The following PLD1 variants were observed in gnomAD, a reference collection of about 807,000 sequenced individuals.
The protein encoded by PLD1 is choline phosphatase 1.
PLD1 carries 112 observed loss-of-function variants against 137.1 expected under a neutral mutation model. The ratio of observed to expected loss-of-function variants is 0.82; its 90% CI spans 0.70 to 0.96. The LOEUF (loss-of-function observed/expected upper bound fraction) is 0.96, where lower values mean the gene tolerates loss of function less well. Ranked by LOEUF, PLD1 falls within the 40% of genes least tolerant of loss-of-function variation. The pLI is 0.00. For missense variants in PLD1, 1,321 were observed against 1,342.0 expected (o/e 0.98, Z 0.24); for synonymous variants, 431 against 454.7 (o/e 0.95, Z 0.66).
At chr3:171,637,581 G>C (rs1735240806) in intron 23 of PLD1, among the ~76,000 whole-genome samples, 3 of 152,086 alleles carry the variant, frequency 2.0e-5, no homozygotes, top group Admixed American at 1.3e-4. Flanking sequence ...GATAATACTG[G>C]ACTCTTAGAA....
rs13318483 is a variant in PLD1, at chr3:171,664,722, G to A, written c.2230-2552C>T. 8.3e-3 allele frequency among the ~76,000 whole-genome samples: 1,256 copies of A among 152,214 alleles called. 16 individuals carry two copies. Among genetic ancestry groups the A allele is most frequent in the African/African-American group, 0.025 (1,030 of 41,532 alleles). ...GATCCACCTGTCTCAGCCTCCCAAA[G>A]TGCTGGGATTACAGGCGTGAGCCAC... On this transcript the variant is annotated intron_variant, in intron 19 of 26. Transcript: ENST00000351298.
chr3:171,700,750 G>A (rs896753323), intron 11 of PLD1, among the ~76,000 whole-genome samples: 3 of 152,162 alleles, frequency 2.0e-5, no homozygotes, highest in African/African-American at 7.2e-5. Flanking sequence ...GCTGATATAT[G>A]AAATTTTTCC....
chr3:171,767,897 C>T (rs1041773066), intron 1 of PLD1, among the ~76,000 whole-genome samples: 4 of 151,898 alleles, frequency 2.6e-5, no homozygotes, highest in African/African-American at 9.7e-5. Context: ...GAGCAGTGAT[C>T]GTGCCACTGC....
chr3:171,603,967 G>A (rs1031172015), intron 26 of PLD1, among the ~76,000 whole-genome samples: 1 of 152,104 alleles, frequency 6.6e-6, no homozygotes, highest in Non-Finnish European at 1.5e-5. Context: ...CACTGCATTT[G>A]TAAAATTACA....
chr3:171,604,834 T>C (rs1254607078), intron 26 of PLD1, among the ~76,000 whole-genome samples: 1 of 152,248 alleles, frequency 6.6e-6, no homozygotes, highest in African/African-American at 2.4e-5. Flanking sequence ...GACTATTCTT[T>C]GTCCTCATAA....
intron 13 of PLD1, among the ~76,000 whole-genome samples, chr3:171,689,497 T>C (rs577356558): frequency 6.6e-6 from 1 of 151,456 alleles, no homozygotes; most frequent in African/African-American, 2.4e-5. Flanking sequence ...CCTCCTTCCT[T>C]CCTTCCTTCC....
At position 171,676,789 on chromosome 3, in the gene PLD1, T is replaced by C; in HGVS notation, c.2041A>G (p.Ile681Val). Residue 681 changes from isoleucine (I) to valine (V), a missense_variant, in exon 18 of 27, where the codon ATT (isoleucine) becomes GTT (valine). By Grantham distance (29) the Ile-to-Val change is conservative (BLOSUM62 3). Coordinates refer to ENST00000351298, the MANE Select transcript of PLD1 (RefSeq NM_002662.5). ...YSTPRMPWHD[I>V]ASAVHGKAAR... is the part of the protein sequence containing the mutation. ...GCCTTCCCGTGGACTGCAGAGGCAATGTCATGCCAGGGCATCCGGGGCGTG... is the reference window on the plus strand; with the variant it reads ...GCCTTCCCGTGGACTGCAGAGGCAACGTCATGCCAGGGCATCCGGGGCGTG... 6.2e-7 allele frequency: 1 copy of C among 1,614,144 alleles called. No homozygotes were observed.
chr3:171,620,277 C>T (rs910813266), intron 24 of PLD1, 109 bp downstream of exon 24: 4 of 695,244 alleles, frequency 5.8e-6, no homozygotes, highest in Admixed American at 2.4e-5. Context: ...TATGGTGTTA[C>T]TGTCTGTTTC....
rs1723800724 is a variant in PLD1 at position 171,805,276 on chromosome 3, A to G, written c.-32+5123T>C. 3.3e-5 allele frequency among the ~76,000 whole-genome samples: 5 copies of G among 152,162 alleles called. No individual in the cohort carries two copies. The South Asian group carries it at 1.0e-3, about 32-fold the overall frequency. On this transcript the variant is annotated intron_variant, in intron 1 of 26. Coordinates refer to ENST00000351298, the MANE Select transcript of PLD1 (RefSeq NM_002662.5). Reference sequence around the variant, plus strand: ...AGAATAAAATATTGCCCTCATCCAGAGGGGAGCTGAGGGTCACGGGCATTA... The same window carrying G: ...AGAATAAAATATTGCCCTCATCCAGGGGGGAGCTGAGGGTCACGGGCATTA...
At chr3:171,617,113 C>T (rs529410642) in intron 24 of PLD1, among the ~76,000 whole-genome samples, 10 of 152,284 alleles carry the variant, frequency 6.6e-5, no homozygotes, top group African/African-American at 2.4e-4. Context: ...GGCCCCAAAC[C>T]AGACCAACTA....
In PLD1 at chr3:171,635,965, C is replaced by CTTTTTTTTTTTTTTTT. The variant is rs71178231; in HGVS notation, c.2593+6859_2593+6874dup. Among the ~76,000 whole-genome samples, 23 of 49,284 alleles carry CTTTTTTTTTTTTTTTT rather than the reference C, an allele frequency of 4.7e-4. 1 individual carries two copies. Among genetic ancestry groups the CTTTTTTTTTTTTTTTT allele is most frequent in the African/African-American group, 9.2e-4 (16 of 17,468 alleles). 32.3% of individuals were successfully genotyped at this position (49,284 alleles called of 152,430 possible). A position where few individuals can be genotyped will look rare whatever the true frequency, so the allele number is the denominator to read the frequency against. Reference sequence around the variant, plus strand: ...ATGGTATGAGGTAGGGGTTCAACTTCTTTTTTTTTTTTTTTTTTTTTTTTT... The same window carrying CTTTTTTTTTTTTTTTT: ...ATGGTATGAGGTAGGGGTTCAACTTCTTTTTTTTTTTTTTTTTTTTTTTTTTTTTTTTTTTTTTTTT... On this transcript the variant is annotated intron_variant, in intron 23 of 26. Coordinates refer to ENST00000351298, the MANE Select transcript of PLD1 (RefSeq NM_002662.5).
In PLD1 at chr3:171,600,450, T is replaced by G. The variant is rs1731766726; in HGVS notation, c.*2628A>C. The G allele has an allele frequency of 6.6e-6, 1 of 152,216 alleles. No individual in the cohort carries two copies. Among genetic ancestry groups the G allele is most frequent in the African/African-American group, 2.4e-5 (1 of 41,454 alleles). 9.4% of individuals were successfully genotyped at this position (152,216 alleles called of 1,614,324 possible). A position where few individuals can be genotyped will look rare whatever the true frequency, so the allele number is the denominator to read the frequency against. On this transcript the variant is annotated 3_prime_UTR_variant, in exon 27 of 27. Transcript: ENST00000351298. ...GCATTTCAAAATAGTCACTTTGAAA[T>G]GTTGAGCAGATTCATGATAGATTTT...
At chr3:171,651,419 G>A (rs1433694461) in intron 21 of PLD1, among the ~76,000 whole-genome samples, 1 of 151,950 alleles carries the variant, frequency 6.6e-6, no homozygotes, top group Non-Finnish European at 1.5e-5. Flanking sequence ...GGTCGTTTGG[G>A]ACATAACCCC....
chr3:171,676,398 A>G (rs908270656), intron 18 of PLD1, among the ~76,000 whole-genome samples: 6 of 152,092 alleles, frequency 3.9e-5, no homozygotes, highest in African/African-American at 1.4e-4. Flanking sequence ...CAGCCCTGCA[A>G]ATGACTACCG....
chr3:171,712,628 C>T (rs964595637), intron 9 of PLD1, among the ~76,000 whole-genome samples: 11 of 151,926 alleles, frequency 7.2e-5, no homozygotes, highest in Non-Finnish European at 1.5e-4. Context: ...GGAATTTGGC[C>T]TTATTTGATA....
Position 171,699,730 on chromosome 3 carries a change from T to C in PLD1, c.1227+15A>G. On this transcript the variant is annotated intron_variant, in intron 12 of 26. Transcript: ENST00000351298. ...GTTAAAAAATTATATCAGCATTTTC[T>C]GGGAAAGTACATACTGCTTTTCGTT... 6.3e-7 allele frequency: 1 copy of C among 1,582,374 alleles called. No homozygotes were observed. The highest frequency in any genetic ancestry group is 8.7e-7 in the Non-Finnish European group (1 of 1,152,918).
In PLD1 at chr3:171,686,694, G is replaced by T. The variant is rs373926838; in HGVS notation, c.1858C>A (p.Pro620Thr). ...TTCACAAATTACTTACCAGCATGAGGTCTAGTGAGTCCTTGCTCAGACTCA... is the reference window on the plus strand; with the variant it reads ...TTCACAAATTACTTACCAGCATGAGTTCTAGTGAGTCCTTGCTCAGACTCA... Reference protein sequence around the residue: ...SSESEQGLTRPHADTGSIRSL... With the variant: ...SSESEQGLTRTHADTGSIRSL... Residue 620 changes from proline to threonine, a missense_variant, in exon 16 of 27, where the codon CCT (proline) becomes ACT (threonine). Pro to Thr is a conservative substitution (Grantham distance 38). Coordinates refer to ENST00000351298, the MANE Select transcript of PLD1 (RefSeq NM_002662.5). The T allele has an allele frequency of 6.4e-6, 10 of 1,553,196 alleles. No homozygotes were observed. The highest frequency in any genetic ancestry group is 7.1e-6 in the Non-Finnish European group (8 of 1,129,164).
chr3:171,634,796 C>A (rs1296031802), intron 23 of PLD1, among the ~76,000 whole-genome samples: 2 of 152,046 alleles, frequency 1.3e-5, no homozygotes, highest in African/African-American at 2.4e-5. Flanking sequence ...CTACAAAATT[C>A]TCGTCTTTAA....
intron 1 of PLD1, among the ~76,000 whole-genome samples, chr3:171,776,622 C>A (rs558780724): frequency 2.0e-5 from 3 of 152,190 alleles, no homozygotes; most frequent in African/African-American, 7.2e-5. Flanking sequence ...TAATCTGTGA[C>A]GTGTGTTGCC....
Sources: gnomAD v4.1 joint callset for allele counts (sites outside exome capture counted in the v4.1 genomes callset) on GRCh38, gnomAD v4.1.1 for gene constraint, MANE v1.5 for transcripts, NCBI Gene and HGNC (gene_info 2026-07-23, HGNC 2026-07-21) for gene names.